Variants in MTREX observed in about 807,000 individuals in gnomAD.
The protein encoded by MTREX is Mtr4 exosome RNA helicase, also known as exosome RNA helicase MTR4.
Under a neutral mutation model 135.4 loss-of-function variants are expected in MTREX, and 76 were observed. The observed-to-expected ratio is 0.56, with a 90% CI of 0.47 to 0.68. MTREX has a LOEUF of 0.68. Among genes scored for constraint, MTREX ranks in the 30% least tolerant of loss-of-function variants. The pLI is 0.00. For missense variants in MTREX, 920 were observed against 1,262.1 expected (o/e 0.73, Z 4.11); for synonymous variants, 404 against 401.6 (o/e 1.01, Z -0.07).
intron 1 of MTREX, among the ~76,000 whole-genome samples, chr5:55,310,621 GAAAA>G (rs1749097150): frequency 6.6e-6 from 1 of 151,938 alleles, no homozygotes; most frequent in Non-Finnish European, 1.5e-5. Context: ...AAAAAAAAGA[GAAAA>G]AATCCTATTT....
chr5:55,386,180 A>G (rs570095066), intron 18 of MTREX, among the ~76,000 whole-genome samples: 9 of 152,310 alleles, frequency 5.9e-5, no homozygotes, highest in Non-Finnish European at 1.2e-4. Context: ...GTAATTGTCA[A>G]TGTTATTTTA....
Position 55,326,596 on chromosome 5 carries a change from A to G in MTREX, c.340-1120A>G, listed in dbSNP as rs373743777. Among the ~76,000 whole-genome samples, 68 of 152,084 alleles carry G rather than the reference A, an allele frequency of 4.5e-4. No homozygotes were observed. In the South Asian group the frequency reaches 0.014, roughly 31 times the overall value. On this transcript the variant is annotated intron_variant, in intron 3 of 26. Transcript: ENST00000230640. ...TCCTCTGATTATAACCTCCATCACC[A>G]AGGCTATTTGTACGTGTCACATTCC... is the stretch of plus-strand genomic sequence containing the variant.
intron 18 of MTREX, among the ~76,000 whole-genome samples, chr5:55,386,470 T>G (rs770252746): frequency 1.6e-4 from 25 of 152,130 alleles, no homozygotes; most frequent in Non-Finnish European, 2.8e-4. Flanking sequence ...GAGAAAAAAT[T>G]TATAATCTTA....
At chr5:55,363,174 T>C (rs1270124315) in intron 15 of MTREX, among the ~76,000 whole-genome samples, 7 of 152,212 alleles carry the variant, frequency 4.6e-5, no homozygotes, top group Admixed American at 4.6e-4. Context: ...TAAAGTTAGT[T>C]CTGTAACTGT....
intron 21 of MTREX, among the ~76,000 whole-genome samples, chr5:55,404,236 C>G (rs1750766531): frequency 2.0e-5 from 3 of 152,258 alleles, no homozygotes; most frequent in South Asian, 4.1e-4. Flanking sequence ...TTTTTCTGAA[C>G]CACCACTTCA....
rs942743301 is a variant in MTREX, at chr5:55,346,741, T to TC, written c.1109-266dup. Among the ~76,000 whole-genome samples, 102 of 152,294 alleles carry TC rather than the reference T, an allele frequency of 6.7e-4. 1 individual carries two copies. Among genetic ancestry groups the TC allele is most frequent in the African/African-American group, 2.4e-3 (101 of 41,560 alleles). ...ATCAGATAGATGATTTGCAAATATCTCCCCCCATTCTGTTTGAGGTTGTCT... is the reference window on the plus strand; with the variant it reads ...ATCAGATAGATGATTTGCAAATATCTCCCCCCCATTCTGTTTGAGGTTGTCT... On this transcript the variant is annotated intron_variant, in intron 10 of 26. Transcript: ENST00000230640.
intron 19 of MTREX, among the ~76,000 whole-genome samples, chr5:55,388,831 C>T (rs576620558): frequency 1.3e-5 from 2 of 152,240 alleles, no homozygotes; most frequent in Non-Finnish European, 2.9e-5. Context: ...ATTTAATTTA[C>T]ATGTGCTTCT....
intron 2 of MTREX, 93 bp downstream of exon 2, chr5:55,322,557 A>G: frequency 2.4e-6 from 2 of 842,164 alleles, no homozygotes; most frequent in South Asian, 2.4e-5. Context: ...ACTTAGATAT[A>G]TGCCCGTATT....
chr5:55,317,846 C>T (rs1206131876), intron 1 of MTREX, among the ~76,000 whole-genome samples: 1 of 152,186 alleles, frequency 6.6e-6, no homozygotes, highest in African/African-American at 2.4e-5. Flanking sequence ...AGACAACCCA[C>T]AGAATGGGAG....
chr5:55,370,993 C>A (rs1233303649), intron 16 of MTREX, among the ~76,000 whole-genome samples: 1 of 152,154 alleles, frequency 6.6e-6, no homozygotes, highest in East Asian at 1.9e-4. Flanking sequence ...ATCAACAGTA[C>A]ATTTTTCAGT....
intron 15 of MTREX, among the ~76,000 whole-genome samples, chr5:55,359,553 T>A (rs1229957168): frequency 6.6e-6 from 1 of 152,168 alleles, no homozygotes; most frequent in Non-Finnish European, 1.5e-5. Context: ...TCTTTATATG[T>A]CTTTACATGA....
chr5:55,360,540 T>C (rs914357898), intron 15 of MTREX, among the ~76,000 whole-genome samples: 11 of 152,194 alleles, frequency 7.2e-5, no homozygotes, highest in Admixed American at 2.0e-4. Flanking sequence ...CTGTTTTCTT[T>C]AGTAGTTGCA....
At chr5:55,348,922 A>G (rs1749781236) in intron 11 of MTREX, among the ~76,000 whole-genome samples, 1 of 152,224 alleles carries the variant, frequency 6.6e-6, no homozygotes, top group African/African-American at 2.4e-5. Flanking sequence ...CTAATTATTA[A>G]AAACTAAGTT....
At chr5:55,384,848 C>T (rs1281150826) in intron 18 of MTREX, among the ~76,000 whole-genome samples, 1 of 152,136 alleles carries the variant, frequency 6.6e-6, no homozygotes, top group Admixed American at 6.6e-5. Flanking sequence ...TGTGACTTTA[C>T]CTTTCTCTGG....
rs1465987400 is a variant in MTREX, at chr5:55,366,519, T to A, written c.1660-206T>A. 1.3e-5 allele frequency among the ~76,000 whole-genome samples: 2 copies of A among 152,198 alleles called. 1 individual carries two copies. Among genetic ancestry groups the A allele is most frequent in the East Asian group, 3.8e-4 (2 of 5,200 alleles). On this transcript the variant is annotated intron_variant, in intron 15 of 26. Coordinates refer to ENST00000230640, the MANE Select transcript of MTREX (RefSeq NM_015360.5). ...AGCTACACATTTGGCAAACAGTATTTTAAATACTTTCATACTGATTTTTTT... is the reference window on the plus strand; with the variant it reads ...AGCTACACATTTGGCAAACAGTATTATAAATACTTTCATACTGATTTTTTT...
At position 55,425,012 on chromosome 5, in the gene MTREX, A is replaced by ATGAG; in HGVS notation, c.*242_*245dup. On this transcript the variant is annotated 3_prime_UTR_variant, in exon 27 of 27. Transcript: ENST00000230640. ...TGGTGGAAGGCTTGGAGTTTTTTTA[A>ATGAG]TGAGTTTAGAGCTATTAGATAACCA... 1 of 779,804 alleles carries ATGAG rather than the reference A, an allele frequency of 1.3e-6. No homozygotes were observed. The highest frequency in any genetic ancestry group is 2.0e-6 in the Non-Finnish European group (1 of 499,094). 48.3% of individuals were successfully genotyped at this position (779,804 alleles called of 1,614,324 possible). A position where few individuals can be genotyped will look rare whatever the true frequency, so the allele number is the denominator to read the frequency against.
At chr5:55,339,402 T>C (rs1271368794) in intron 5 of MTREX, among the ~76,000 whole-genome samples, 2 of 152,250 alleles carry the variant, frequency 1.3e-5, no homozygotes, top group Non-Finnish European at 2.9e-5. Context: ...AAGCCTATTC[T>C]GGGCAGGAGC....
chr5:55,386,599 T>G (rs764110957), intron 18 of MTREX, among the ~76,000 whole-genome samples: 1 of 152,270 alleles, frequency 6.6e-6, no homozygotes, highest in Non-Finnish European at 1.5e-5. Flanking sequence ...TTTTAGTAGC[T>G]CTGCAAAAAT....
At chr5:55,331,447 G>A (rs978598392) in intron 5 of MTREX, among the ~76,000 whole-genome samples, 4 of 152,174 alleles carry the variant, frequency 2.6e-5, no homozygotes, top group African/African-American at 7.2e-5. Context: ...TACTTAGTCA[G>A]TATTCCATGC....
Sources: gnomAD v4.1 joint callset for allele counts (sites outside exome capture counted in the v4.1 genomes callset) on GRCh38, gnomAD v4.1.1 for gene constraint, MANE v1.5 for transcripts, NCBI Gene and HGNC (gene_info 2026-07-23, HGNC 2026-07-21) for gene names.